Variants in KLF8 observed in about 807,000 individuals in gnomAD.
KLF8 encodes KLF transcription factor 8.
KLF8 carries 10 observed loss-of-function variants against 18.2 expected under a neutral mutation model. That is an observed-to-expected ratio of 0.55 (90% CI 0.34 to 0.93). The LOEUF (loss-of-function observed/expected upper bound fraction) is 0.93, where lower values mean the gene tolerates loss of function less well. KLF8 is among the 40% of genes least tolerant of loss of function. The pLI is 0.02. For missense variants in KLF8, 264 were observed against 277.9 expected (o/e 0.95, Z 0.36); for synonymous variants, 109 against 97.3 (o/e 1.12, Z -0.71).
chrX:55,997,014 G>A, the KLF8 span, among the ~76,000 whole-genome samples: 1 of 112,054 alleles, frequency 8.9e-6, no homozygotes, highest in Admixed American at 9.4e-5. Context: ...GCAGTGGGGG[G>A]AGGCTGTGAG....
the KLF8 span, among the ~76,000 whole-genome samples, chrX:56,093,905 A>ATG: frequency 0.13 from 11,609 of 88,834 alleles, 794 homozygotes; most frequent in Non-Finnish European, 0.19. Context: ...TATATATTAT[A>ATG]TGTGTGTGTG....
the KLF8 span, among the ~76,000 whole-genome samples, chrX:55,919,319 C>G: frequency 8.9e-6 from 1 of 111,909 alleles, no homozygotes; most frequent in Non-Finnish European, 1.9e-5. Flanking sequence ...ACTTCGTGAA[C>G]TTTTGCTCCC....
At chrX:56,203,530 G>A in the KLF8 span, among the ~76,000 whole-genome samples, 1 of 112,391 alleles carries the variant, frequency 8.9e-6, no homozygotes, top group Non-Finnish European at 1.9e-5. Context: ...TTTCTCCAAT[G>A]TTTTCTTGCA....
At chrX:56,208,306 T>C in the KLF8 span, among the ~76,000 whole-genome samples, 9 of 112,218 alleles carry the variant, frequency 8.0e-5, no homozygotes, top group Non-Finnish European at 1.5e-4. Flanking sequence ...CCTTAGAATT[T>C]CTGCAGTATC....
chrX:55,948,187 C>T, the KLF8 span, among the ~76,000 whole-genome samples: 2 of 112,320 alleles, frequency 1.8e-5, no homozygotes, highest in South Asian at 7.4e-4. Context: ...TTTACACTCA[C>T]ACTAGAAGTT....
chrX:56,089,062 ATTAC>A, the KLF8 span, among the ~76,000 whole-genome samples: 1 of 111,196 alleles, frequency 9.0e-6, no homozygotes, highest in African/African-American at 3.3e-5. Context: ...CTAGTAATGT[ATTAC>A]TTACTAGTTT....
chrX:56,187,035 C>A, the KLF8 span, among the ~76,000 whole-genome samples: 1 of 111,204 alleles, frequency 9.0e-6, no homozygotes. Context: ...CACAGCAGAA[C>A]TGAAGGAAAG....
the KLF8 span, among the ~76,000 whole-genome samples, chrX:56,145,766 A>C: frequency 1.8e-5 from 2 of 111,955 alleles, no homozygotes; most frequent in African/African-American, 6.5e-5. Context: ...ACATTGTGCT[A>C]ATGAGTGAAC....
the KLF8 span, among the ~76,000 whole-genome samples, chrX:56,201,356 G>A: frequency 3.1e-4 from 35 of 111,791 alleles, no homozygotes; most frequent in Non-Finnish European, 6.0e-4. Flanking sequence ...AATAAACCAG[G>A]CAAAGAAAGA....
chrX:56,181,630 C>T, the KLF8 span, among the ~76,000 whole-genome samples: 43 of 111,642 alleles, frequency 3.9e-4, no homozygotes, highest in African/African-American at 1.3e-3. Context: ...TTAGATCTTC[C>T]TTCAGGAGCT....
chrX:56,221,862 C>T, the KLF8 span, among the ~76,000 whole-genome samples: 1 of 111,724 alleles, frequency 9.0e-6, no homozygotes, highest in African/African-American at 3.3e-5. Flanking sequence ...ACTGCTGGCT[C>T]GGGCAGCCTG....
At chrX:56,099,274 T>TG in the KLF8 span, among the ~76,000 whole-genome samples, 5 of 111,749 alleles carry the variant, frequency 4.5e-5, no homozygotes, top group Non-Finnish European at 9.4e-5. Context: ...TTAATTTGTT[T>TG]GGGGCACCAA....
chrX:55,959,539 G>A, the KLF8 span, among the ~76,000 whole-genome samples: 2 of 111,853 alleles, frequency 1.8e-5, no homozygotes, highest in Non-Finnish European at 1.9e-5. Context: ...AGATGATGTA[G>A]CTATTTTAAG....
the KLF8 span, among the ~76,000 whole-genome samples, chrX:56,019,865 G>T: frequency 9.0e-6 from 1 of 111,653 alleles, no homozygotes; most frequent in African/African-American, 3.2e-5. Context: ...GAGAACTGTG[G>T]TAGGTCAAGC....
chrX:56,139,039 A>C, the KLF8 span, among the ~76,000 whole-genome samples: 13,936 of 110,689 alleles, frequency 0.13, 1,615 homozygotes, highest in African/African-American at 0.37. Context: ...AGAGCCAAAT[A>C]AAAAATACAA....
At chrX:56,118,989 A>G in the KLF8 span, among the ~76,000 whole-genome samples, 8 of 111,420 alleles carry the variant, frequency 7.2e-5, no homozygotes, top group African/African-American at 2.6e-4. Context: ...ATTCCTGGAG[A>G]AGGTGTAGAT....
the KLF8 span, among the ~76,000 whole-genome samples, chrX:56,016,536 G>A: frequency 8.9e-6 from 1 of 111,738 alleles, no homozygotes; most frequent in Non-Finnish European, 1.9e-5. Context: ...ACATTTATTA[G>A]ACAATATAAT....
At chrX:56,078,289 A>T in the KLF8 span, among the ~76,000 whole-genome samples, 1 of 111,831 alleles carries the variant, frequency 8.9e-6, no homozygotes, top group African/African-American at 3.3e-5. Context: ...TGTCATAGAT[A>T]GCTCTTATTA....
At chrX:55,936,197 G>A in the KLF8 span, among the ~76,000 whole-genome samples, 7 of 111,860 alleles carry the variant, frequency 6.3e-5, no homozygotes, top group Non-Finnish European at 1.3e-4. Flanking sequence ...TTCTTTATAT[G>A]TGATCTGTGA....
Sources: allele counts gnomAD v4.1 joint callset (sites outside exome capture counted in the v4.1 genomes callset), GRCh38; gene constraint gnomAD v4.1.1; transcripts MANE v1.5; gene names NCBI Gene and HGNC (gene_info 2026-07-23, HGNC 2026-07-21).